XKR9: variants seen among roughly 807,000 people sequenced by gnomAD.
The protein encoded by XKR9 is XK-related protein 9.
XKR9 carries 32 observed loss-of-function variants against 32.0 expected under a neutral mutation model. That is an observed-to-expected ratio of 1.00 (90% CI 0.76 to 1.34). The LOEUF (loss-of-function observed/expected upper bound fraction) is 1.34, where lower values mean the gene tolerates loss of function less well. Among genes scored for constraint, XKR9 ranks in the 40% most tolerant of loss-of-function variants. The pLI, the probability that XKR9 is intolerant of heterozygous loss-of-function variation, is 0.00. For missense variants in XKR9, 546 were observed against 429.7 expected (o/e 1.27, Z -2.39); for synonymous variants, 168 against 143.4 (o/e 1.17, Z -1.22).
chr8:71,058,172 C>T, the XKR9 span, among the ~76,000 whole-genome samples: 5 of 134,130 alleles, frequency 3.7e-5, no homozygotes, highest in African/African-American at 1.3e-4. Flanking sequence ...CAGCGAGACT[C>T]CGTCTCAAAA....
chr8:70,709,524 A>G (rs1390258963), intron 4 of XKR9, among the ~76,000 whole-genome samples: 1 of 152,206 alleles, frequency 6.6e-6, no homozygotes, highest in East Asian at 1.9e-4. Context: ...CCCTGTTTGC[A>G]AACAATATGA....
the XKR9 span, among the ~76,000 whole-genome samples, chr8:71,033,987 C>A: frequency 6.6e-6 from 1 of 152,184 alleles, no homozygotes; most frequent in Non-Finnish European, 1.5e-5. Flanking sequence ...TGTTACCTTG[C>A]CACTCCACAT....
the XKR9 span, among the ~76,000 whole-genome samples, chr8:70,811,560 G>A: frequency 3.3e-5 from 5 of 152,104 alleles, no homozygotes; most frequent in South Asian, 4.2e-4. Flanking sequence ...TAATAAAGAA[G>A]AAAAGAGGGA....
intron 2 of XKR9, among the ~76,000 whole-genome samples, chr8:70,741,841 A>T (rs1461304100): frequency 2.6e-5 from 4 of 152,186 alleles, no homozygotes; most frequent in African/African-American, 9.7e-5. Context: ...TTTCTTGATC[A>T]TATGGTGGTT....
intron 2 of XKR9, among the ~76,000 whole-genome samples, chr8:70,775,111 C>CTCA: frequency 6.6e-6 from 1 of 151,914 alleles, no homozygotes; most frequent in South Asian, 2.1e-4. Context: ...TTTTCTAAAT[C>CTCA]TCATCTTCTA....
At chr8:71,014,331 GA>G in the XKR9 span, among the ~76,000 whole-genome samples, 4 of 152,186 alleles carry the variant, frequency 2.6e-5, no homozygotes, top group Non-Finnish European at 4.4e-5. Flanking sequence ...TACAACAACA[GA>G]GTGTTCTCTC....
the XKR9 span, among the ~76,000 whole-genome samples, chr8:70,876,218 C>CTTTTT: frequency 7.9e-5 from 8 of 101,462 alleles, no homozygotes; most frequent in Non-Finnish European, 1.3e-4. Context: ...AAGATTCGTT[C>CTTTTT]TTTTTTTTTT....
the XKR9 span, among the ~76,000 whole-genome samples, chr8:71,010,771 C>A: frequency 2.6e-5 from 4 of 152,150 alleles, no homozygotes; most frequent in East Asian, 5.8e-4. Flanking sequence ...TTGCCCCAGG[C>A]TCCATAATTT....
the XKR9 span, among the ~76,000 whole-genome samples, chr8:70,914,466 T>A: frequency 6.6e-6 from 1 of 152,226 alleles, no homozygotes; most frequent in Non-Finnish European, 1.5e-5. Flanking sequence ...CTTGTGGCTT[T>A]CATTTTTATT....
At chr8:71,060,079 A>G in the XKR9 span, among the ~76,000 whole-genome samples, 3 of 152,254 alleles carry the variant, frequency 2.0e-5, no homozygotes, top group East Asian at 5.8e-4. Context: ...TGTTTGGAAA[A>G]CACTAGATTG....
At chr8:70,716,800 C>G (rs551430261) in intron 4 of XKR9, among the ~76,000 whole-genome samples, 2 of 152,190 alleles carry the variant, frequency 1.3e-5, no homozygotes, top group South Asian at 2.1e-4. Flanking sequence ...CTCATCCCAG[C>G]TTTAACCTAA....
At chr8:70,838,995 G>C in the XKR9 span, among the ~76,000 whole-genome samples, 1 of 151,814 alleles carries the variant, frequency 6.6e-6, no homozygotes, top group African/African-American at 2.4e-5. Context: ...TAATATATTT[G>C]CTTATCCTTT....
chr8:70,677,584 G>A (rs969735663), intron 2 of XKR9, among the ~76,000 whole-genome samples: 1 of 152,120 alleles, frequency 6.6e-6, no homozygotes, highest in African/African-American at 2.4e-5. Context: ...AGACTGCTGT[G>A]CCTAAGTGTT....
At chr8:70,803,114 T>C in the XKR9 span, among the ~76,000 whole-genome samples, 2 of 152,214 alleles carry the variant, frequency 1.3e-5, no homozygotes, top group Non-Finnish European at 2.9e-5. Flanking sequence ...GGTCTCTTTA[T>C]GTAATCTCAT....
rs563363962 is a variant in XKR9 at position 70,694,927 on chromosome 8, A to T, written c.273-12006A>T. ...ATGCCTGAGTGGCTGCTCTGCTGAG[A>T]CTCTACATAGCTCTGTCTGTCAGAC... On this transcript the variant is annotated intron_variant, in intron 3 of 4. Transcript: ENST00000408926. Among the ~76,000 whole-genome samples, 171 of 152,100 alleles carry T rather than the reference A, an allele frequency of 1.1e-3. 5 individuals are homozygous for T. The South Asian group carries it at 0.035, about 31-fold the overall frequency.
the XKR9 span, among the ~76,000 whole-genome samples, chr8:70,987,885 C>G: frequency 6.6e-6 from 1 of 152,140 alleles, no homozygotes; most frequent in Non-Finnish European, 1.5e-5. Context: ...GTGGAGGTTC[C>G]TAAACCTCAA....
chr8:70,908,853 T>C, the XKR9 span, among the ~76,000 whole-genome samples: 1 of 152,346 alleles, frequency 6.6e-6, no homozygotes, highest in African/African-American at 2.4e-5. Flanking sequence ...CCATGGGCCA[T>C]AGTTTGCCAA....
At chr8:70,909,326 T>C in the XKR9 span, among the ~76,000 whole-genome samples, 1 of 152,308 alleles carries the variant, frequency 6.6e-6, no homozygotes, top group Non-Finnish European at 1.5e-5. Flanking sequence ...TGTCTCATAT[T>C]GGTCCCCCTG....
chr8:70,811,642 A>G, the XKR9 span, among the ~76,000 whole-genome samples: 1 of 152,228 alleles, frequency 6.6e-6, no homozygotes, highest in Admixed American at 6.5e-5. Context: ...ACAAACTACC[A>G]TCAGAGAATA....
Sources: allele counts gnomAD v4.1 joint callset (sites outside exome capture counted in the v4.1 genomes callset), GRCh38; gene constraint gnomAD v4.1.1; transcripts MANE v1.5; gene names NCBI Gene and HGNC (gene_info 2026-07-23, HGNC 2026-07-21).